ASAP1: variants seen among roughly 807,000 people sequenced by gnomAD.
The protein encoded by ASAP1 is arf-GAP with SH3 domain, ANK repeat and PH domain-containing protein 1.
ASAP1 carries 43 observed loss-of-function variants against 145.2 expected under a neutral mutation model. The observed-to-expected ratio is 0.30, with a 90% CI of 0.23 to 0.38. ASAP1 has a LOEUF of 0.38. Ranked by LOEUF, ASAP1 falls within the 10% of genes least tolerant of loss-of-function variation. ASAP1 has a pLI of 1.00. For missense variants in ASAP1, 1,018 were observed against 1,355.3 expected, an observed-to-expected ratio of 0.75 and a Z score of 3.91; for synonymous variants, 546 against 515.5, an observed-to-expected ratio of 1.06 and a Z score of -0.80.
intron 1 of ASAP1, among the ~76,000 whole-genome samples, chr8:130,435,977 C>T (rs1830297937): frequency 6.6e-6 from 1 of 152,206 alleles, no homozygotes; most frequent in South Asian, 2.1e-4. Flanking sequence ...GACATCTCTG[C>T]TACCCAAGAT....
intron 18 of ASAP1, 27 bp downstream of exon 18, chr8:130,123,986 A>G: frequency 1.3e-6 from 2 of 1,553,448 alleles, no homozygotes; most frequent in East Asian, 2.2e-5. Flanking sequence ...ATGGTTTAAA[A>G]AAGTTCAATA....
At chr8:130,369,708 A>G (rs1174900866) in intron 2 of ASAP1, among the ~76,000 whole-genome samples, 2 of 152,240 alleles carry the variant, frequency 1.3e-5, no homozygotes, top group Non-Finnish European at 2.9e-5. Context: ...GTAATAAAAA[A>G]GATGGAAATT....
At chr8:130,132,021 T>TGAGTAATTTGGTGA (rs2097583926) in intron 15 of ASAP1, among the ~76,000 whole-genome samples, 1 of 152,168 alleles carries the variant, frequency 6.6e-6, no homozygotes, top group Non-Finnish European at 1.5e-5. Flanking sequence ...TCACCCAAAT[T>TGAGTAATTTGGTGA]ACTCACCTGT....
At chr8:130,326,627 C>T (rs1445382534) in intron 3 of ASAP1, among the ~76,000 whole-genome samples, 1 of 152,174 alleles carries the variant, frequency 6.6e-6, no homozygotes, top group Admixed American at 6.5e-5. Flanking sequence ...GGTGTCCATC[C>T]GGAGGCCAAC....
intron 26 of ASAP1, among the ~76,000 whole-genome samples, chr8:130,077,330 G>C: frequency 6.6e-6 from 1 of 152,160 alleles, no homozygotes; most frequent in Non-Finnish European, 1.5e-5. Flanking sequence ...TGAAACCCCA[G>C]TGCCATCAGT....
chr8:130,253,507 A>G (rs1819330179), intron 3 of ASAP1, among the ~76,000 whole-genome samples: 1 of 152,212 alleles, frequency 6.6e-6, no homozygotes, highest in South Asian at 2.1e-4. Flanking sequence ...GGAAAAGAAA[A>G]GGGAGATGTA....
chr8:130,218,349 A>C (rs1172077919), intron 4 of ASAP1, among the ~76,000 whole-genome samples: 1 of 152,222 alleles, frequency 6.6e-6, no homozygotes, highest in Non-Finnish European at 1.5e-5. Flanking sequence ...TTTCAAGTGA[A>C]AAATATAATT....
At chr8:130,157,556 A>G (rs2097660442) in intron 12 of ASAP1, among the ~76,000 whole-genome samples, 1 of 151,968 alleles carries the variant, frequency 6.6e-6, no homozygotes, top group African/African-American at 2.4e-5. Flanking sequence ...AGCTTCCAAA[A>G]CATGTTGGAT....
At chr8:130,313,739 T>G (rs73711204) in intron 3 of ASAP1, among the ~76,000 whole-genome samples, 3,065 of 152,320 alleles carry the variant, frequency 0.02, 90 homozygotes, top group African/African-American at 0.068. Context: ...AATTTTTATC[T>G]CAGACATGAT....
intron 14 of ASAP1, among the ~76,000 whole-genome samples, chr8:130,135,935 T>C (rs1319980286): frequency 6.6e-6 from 1 of 152,194 alleles, no homozygotes; most frequent in Admixed American, 6.5e-5. Flanking sequence ...CATGACTGAC[T>C]CTATCTTTTG....
chr8:130,358,534 T>A lies in ASAP1; in HGVS notation c.60-391A>T, dbSNP rs1397406866. On this transcript the variant is annotated intron_variant, in intron 2 of 29. Coordinates refer to ENST00000518721, the MANE Select transcript of ASAP1 (RefSeq NM_018482.4). This position sits in a 1 kb window ranked among gnomAD's most constrained non-coding sequence, Gnocchi z 4.1. ...CTGGGGCGTGCGCGGGCTGGGCGGC[T>A]GGGGCGCCCGGCGCTGCCTCCTCAG... is the stretch of plus-strand genomic sequence containing the variant. Among the ~76,000 whole-genome samples, 1 of 146,080 alleles carries A rather than the reference T, an allele frequency of 6.8e-6. No individual in the cohort carries two copies. The highest frequency in any genetic ancestry group is 1.5e-5 in the Non-Finnish European group (1 of 65,880).
intron 11 of ASAP1, among the ~76,000 whole-genome samples, chr8:130,165,105 T>C (rs1346942619): frequency 6.6e-6 from 1 of 152,148 alleles, no homozygotes; most frequent in Non-Finnish European, 1.5e-5. Flanking sequence ...TAATCTGGGG[T>C]GGGGTTAAAT....
intron 3 of ASAP1, among the ~76,000 whole-genome samples, chr8:130,300,054 AAAAC>A (rs1041631300): frequency 1.6e-4 from 25 of 151,728 alleles, no homozygotes; most frequent in African/African-American, 6.1e-4. Context: ...CAAAAGACGA[AAAAC>A]AAACAAGCTA....
chr8:130,124,090 T>C lies in ASAP1; in HGVS notation c.1530A>G (p.Val510=), dbSNP rs770871462. The change falls in exon 18 of 30, where the codon GTA becomes GTG. Residue 510 remains valine, a synonymous_variant. Coordinates refer to ENST00000518721, the MANE Select transcript of ASAP1 (RefSeq NM_018482.4). ...GTSELLLAKN[V]GNNSFNDIME... is the part of the protein sequence containing the mutation. ...TAATATCATTAAAACTATTGTTTCC[T>C]ACATTCTTGGCCAGCTGTAACAGAA... is the stretch of plus-strand genomic sequence containing the variant. The C allele has an allele frequency of 6.2e-7, 1 of 1,605,066 alleles. No homozygotes were observed. The highest frequency in any genetic ancestry group is 2.2e-5 in the East Asian group (1 of 44,716).
At chr8:130,285,444 A>G (rs1004338729) in intron 3 of ASAP1, among the ~76,000 whole-genome samples, 1 of 152,232 alleles carries the variant, frequency 6.6e-6, no homozygotes, top group African/African-American at 2.4e-5. Context: ...TTATCACTAG[A>G]AAAAATTTTA....
intron 3 of ASAP1, among the ~76,000 whole-genome samples, chr8:130,287,042 T>A (rs1036090865): frequency 3.3e-5 from 5 of 152,152 alleles, no homozygotes; most frequent in Non-Finnish European, 7.4e-5. Context: ...TGAAGAGTAC[T>A]GCTCAGAGAG....
rs890348508 is a variant in ASAP1, at chr8:130,400,925, G to A, written c.59+960C>T. 4.6e-5 allele frequency among the ~76,000 whole-genome samples: 7 copies of A among 152,254 alleles called. No homozygotes were observed. In the East Asian group the frequency reaches 1.2e-3, roughly 25 times the overall value. ...GACGAAGTCTCATTCTTGACCCCCAGGCTGGAGTGCAACAGTGTGATCTTG... is the reference window on the plus strand; with the variant it reads ...GACGAAGTCTCATTCTTGACCCCCAAGCTGGAGTGCAACAGTGTGATCTTG... On this transcript the variant is annotated intron_variant, in intron 2 of 29. Transcript: ENST00000518721.
chr8:130,351,643 G>C (rs1283216587), intron 3 of ASAP1, among the ~76,000 whole-genome samples: 3 of 152,030 alleles, frequency 2.0e-5, no homozygotes, highest in Admixed American at 1.3e-4. Context: ...GCAGGGGCGA[G>C]AGAGAGAGAA....
chr8:130,132,038 C>T (rs923562682), intron 15 of ASAP1, among the ~76,000 whole-genome samples: 17 of 142,878 alleles, frequency 1.2e-4, no homozygotes, highest in African/African-American at 3.8e-4. Context: ...CTGTGTTTCA[C>T]TTAGGGTTTT....
Sources: allele counts gnomAD v4.1 joint callset (sites outside exome capture counted in the v4.1 genomes callset), GRCh38; gene constraint gnomAD v4.1.1; non-coding constraint Gnocchi (gnomAD v3.1); transcripts MANE v1.5; gene names NCBI Gene and HGNC (gene_info 2026-07-23, HGNC 2026-07-21).